NSUN2: variants seen among roughly 807,000 people sequenced by gnomAD.
The protein encoded by NSUN2 is NOP2/Sun RNA methyltransferase 2.
Under a neutral mutation model 92.7 loss-of-function variants are expected in NSUN2, and 63 were observed. The observed-to-expected ratio is 0.68, with a 90% CI of 0.56 to 0.84. The LOEUF is 0.84. Ranked by LOEUF, NSUN2 falls within the 40% of genes least tolerant of loss-of-function variation. The pLI, the probability that NSUN2 is intolerant of heterozygous loss-of-function variation, is 0.00. For missense variants in NSUN2, 989 were observed against 964.9 expected (o/e 1.02, Z -0.33); for synonymous variants, 356 against 348.3 (o/e 1.02, Z -0.25).
At chr5:6,601,322 G>C (rs1736547112) in intron 18 of NSUN2, among the ~76,000 whole-genome samples, 1 of 145,530 alleles carries the variant, frequency 6.9e-6, no homozygotes, top group Admixed American at 7.0e-5. Context: ...AACCATTTCT[G>C]AGTCTTTGTT....
At chr5:6,626,666 C>CT (rs1403981671) in intron 3 of NSUN2, among the ~76,000 whole-genome samples, 2 of 152,204 alleles carry the variant, frequency 1.3e-5, no homozygotes, top group African/African-American at 4.8e-5. Context: ...TGCTTTGAAA[C>CT]TTGGCCTGCA....
At chr5:6,604,806 C>T (rs1341856618) in intron 15 of NSUN2, 121 bp from the exon 16 acceptor site, 1 of 775,840 alleles carries the variant, frequency 1.3e-6, no homozygotes, top group African/African-American at 1.7e-5. Flanking sequence ...AGCAGAAACC[C>T]ACCGAGAAAC....
rs757130223 is a variant in NSUN2, at chr5:6,602,453, T to G, written c.1997+8A>C. 3 of 1,613,676 alleles carry G rather than the reference T, an allele frequency of 1.9e-6. No homozygotes were observed. In the South Asian group the frequency reaches 3.3e-5, roughly 18 times the overall value. ...GTGTGTCTAAGGGCAGGGCGTGTACTGACTTACGCAGAATCTGGTTCATAC... is the reference window on the plus strand; with the variant it reads ...GTGTGTCTAAGGGCAGGGCGTGTACGGACTTACGCAGAATCTGGTTCATAC... On this transcript the variant is annotated splice_region_variant and intron_variant, in intron 18 of 18. Transcript: ENST00000264670.
chr5:6,607,903 A>C (rs1736843563), intron 12 of NSUN2, among the ~76,000 whole-genome samples: 1 of 152,250 alleles, frequency 6.6e-6, no homozygotes, highest in African/African-American at 2.4e-5. Context: ...TGAACTTCTG[A>C]ATTAGGGCCA....
intron 8 of NSUN2, 44 bp from the exon 9 acceptor site, chr5:6,616,901 G>C (rs1737235482): frequency 1.3e-6 from 2 of 1,566,612 alleles, no homozygotes; most frequent in Non-Finnish European, 1.7e-6. Context: ...ATGTATCCAT[G>C]AAGTGCACAT....
chr5:6,626,419 G>A (rs1166261593), intron 3 of NSUN2, among the ~76,000 whole-genome samples: 1 of 151,784 alleles, frequency 6.6e-6, no homozygotes, highest in Non-Finnish European at 1.5e-5. Context: ...ACCTAGGCTG[G>A]AGTGTAGTGG....
chr5:6,621,762 G>T, intron 6 of NSUN2: 15 of 298,540 alleles, frequency 5.0e-5, no homozygotes, highest in Non-Finnish European at 7.3e-5. Flanking sequence ...AAAAAAAAAA[G>T]AAATGCCATT....
chr5:6,628,855 C>G (rs1445194444), intron 3 of NSUN2, among the ~76,000 whole-genome samples: 2 of 152,148 alleles, frequency 1.3e-5, no homozygotes, highest in Non-Finnish European at 2.9e-5. Flanking sequence ...CCAGCCTGGG[C>G]AACAAGGTGA....
At position 6,605,379 on chromosome 5, in the gene NSUN2, G is replaced by A. The variant is rs1348047820; in HGVS notation, c.1631C>T (p.Pro544Leu). ...AGTCCGAGTTAACAAATTCATCCTT[G>A]GGAATGAAGGATCCAAAGCATAAAA... ...EKFYALDPSF[P>L]RMNLLTRTTE... Residue 544 changes from proline (P) to leucine (L), a missense_variant, in exon 15 of 19, where the codon CCA (proline) becomes CTA (leucine). Pro to Leu is a moderately conservative substitution (Grantham distance 98). Coordinates refer to ENST00000264670, the MANE Select transcript of NSUN2 (RefSeq NM_017755.6). 3 of 1,613,924 alleles carry A rather than the reference G, an allele frequency of 1.9e-6. No individual in the cohort carries two copies. Among genetic ancestry groups the A allele is most frequent in the Non-Finnish European group, 2.5e-6 (3 of 1,179,968 alleles).
rs769225775 is a variant in NSUN2 at position 6,606,770 on chromosome 5, C to T, written c.1601+50G>A. Reference sequence around the variant, plus strand: ...CATGTGATCAGTTGTACATTTGATACTCTATAGTAAATTTCTTTAAATGAA... The same window carrying T: ...CATGTGATCAGTTGTACATTTGATATTCTATAGTAAATTTCTTTAAATGAA... On this transcript the variant is annotated intron_variant, in intron 14 of 18. Transcript: ENST00000264670. 2.3e-5 allele frequency: 23 copies of T among 1,004,402 alleles called. No homozygotes were observed. The East Asian group carries it at 5.6e-4, about 24-fold the overall frequency. 62.2% of individuals were successfully genotyped at this position (1,004,402 alleles called of 1,614,324 possible). A position where few individuals can be genotyped will look rare whatever the true frequency, so the allele number is the denominator to read the frequency against.
Position 6,600,097 on chromosome 5 carries a change from C to A in NSUN2, c.2133G>T (p.Lys711Asn). ...CATTTGTGAGGATAACCCCTTCCTTCTTCTTTTCTCCCAATACCTCCAGCC... is the reference window on the plus strand; with the variant it reads ...CATTTGTGAGGATAACCCCTTCCTTATTCTTTTCTCCCAATACCTCCAGCC... The part of the protein sequence containing the change: ...MMGLEVLGEK[K>N]KEGVILTNES... The change falls in exon 19 of 19, where the codon AAG becomes AAT. Residue 711 changes from lysine (K) to asparagine (N), a missense_variant. Around this residue, in one of 3 missense-constraint regions of NSUN2, gnomAD observed 626 missense variants for 602.3 expected, o/e 1.04. Transcript: ENST00000264670. The A allele has an allele frequency of 1.2e-6, 2 of 1,614,228 alleles. No individual in the cohort carries two copies. The highest frequency in any genetic ancestry group is 2.2e-5 in the South Asian group (2 of 91,086).
Position 6,604,200 on chromosome 5 carries a change from G to A in NSUN2, c.1895C>T (p.Thr632Ile). Residue 632 changes from threonine (T) to isoleucine (I), a missense_variant, in exon 17 of 19, where the codon ACC (threonine) becomes ATC (isoleucine). Around this residue, in one of 3 missense-constraint regions of NSUN2, gnomAD observed 626 missense variants for 602.3 expected, o/e 1.04. Coordinates refer to ENST00000264670, the MANE Select transcript of NSUN2 (RefSeq NM_017755.6). ...TTTTCTAAAAAAGGGATTTTCCTGG[G>A]TCAACAGTATCTTAACATCTTCCAT... ...VSMEDVKILL[T>I]QENPFFRKLS... The A allele has an allele frequency of 1.2e-6, 2 of 1,613,262 alleles. No homozygotes were observed. Among genetic ancestry groups the A allele is most frequent in the Non-Finnish European group, 1.7e-6 (2 of 1,179,270 alleles).
rs781316302 is a variant in NSUN2 at position 6,606,918 on chromosome 5, AAGGGAATC to A, written c.1509-14_1509-7del. On this transcript the variant is annotated splice_region_variant and splice_polypyrimidine_tract_variant and intron_variant, in intron 13 of 18. Coordinates refer to ENST00000264670, the MANE Select transcript of NSUN2 (RefSeq NM_017755.6). ...TTTTCTTTGATGGAGGAGGACTAAA[AAGGGAATC>A]AGGATGAGACAAATCAATCTGTAAT... 3 of 1,514,920 alleles carry A rather than the reference AAGGGAATC, an allele frequency of 2.0e-6. No homozygotes were observed. In the South Asian group the frequency reaches 3.4e-5, roughly 17 times the overall value. The allele number at this position is 1,514,920 out of a possible 1,614,324, so 93.8% of individuals were successfully genotyped here.
At chr5:6,631,640 G>A (rs751444212) in intron 3 of NSUN2, among the ~76,000 whole-genome samples, 55 of 152,336 alleles carry the variant, frequency 3.6e-4, no homozygotes, top group Admixed American at 5.9e-4. Flanking sequence ...GAGGCTGGAT[G>A]TACTAGGAAG....
intron 6 of NSUN2, chr5:6,621,745 C>CT (rs1421226084): frequency 2.0e-5 from 5 of 251,102 alleles, no homozygotes; most frequent in African/African-American, 1.2e-4. Context: ...GAGACTCCAT[C>CT]TCAAAAAAAA....
intron 8 of NSUN2, among the ~76,000 whole-genome samples, chr5:6,617,544 G>A (rs967518838): frequency 2.6e-5 from 4 of 152,114 alleles, no homozygotes; most frequent in East Asian, 1.9e-4. Flanking sequence ...GTTCTTTAAT[G>A]AATAGTTCCC....
At chr5:6,601,334 A>C (rs1736547683) in intron 18 of NSUN2, among the ~76,000 whole-genome samples, 2 of 141,140 alleles carry the variant, frequency 1.4e-5, no homozygotes, top group Non-Finnish European at 3.1e-5. Flanking sequence ...GTCTTTGTTC[A>C]AACTCTCGTT....
chr5:6,628,059 C>A (rs1033546963), intron 3 of NSUN2, among the ~76,000 whole-genome samples: 2 of 152,152 alleles, frequency 1.3e-5, no homozygotes, highest in Non-Finnish European at 2.9e-5. Context: ...TTAAAAAGCA[C>A]GTAACAGGCG....
At chr5:6,613,062 T>C (rs934727053) in intron 9 of NSUN2, among the ~76,000 whole-genome samples, 1 of 152,224 alleles carries the variant, frequency 6.6e-6, no homozygotes, top group Non-Finnish European at 1.5e-5. Flanking sequence ...CAATACGGTC[T>C]GAAGCCACCC....
Sources: gnomAD v4.1 joint callset for allele counts (sites outside exome capture counted in the v4.1 genomes callset) on GRCh38, gnomAD v4.1.1 for gene constraint, gnomAD v4.1.1 regional missense constraint, MANE v1.5 for transcripts, NCBI Gene and HGNC (gene_info 2026-07-23, HGNC 2026-07-21) for gene names.